The following NLRP4 variants were observed in gnomAD, a reference collection of about 807,000 sequenced individuals.
The protein encoded by NLRP4 is NACHT, LRR and PYD domains-containing protein 4.
A neutral mutation model predicts 84.7 loss-of-function variants in NLRP4; 44 were observed. That is an observed-to-expected ratio of 0.52 (90% confidence interval 0.41 to 0.67). The LOEUF (loss-of-function observed/expected upper bound fraction) is 0.67, where lower values mean the gene tolerates loss of function less well. Among genes scored for constraint, NLRP4 ranks in the 30% least tolerant of loss-of-function variants. The pLI is 0.00. For missense variants in NLRP4, 1,260 were observed against 1,219.4 expected (o/e 1.03, Z -0.50); for synonymous variants, 544 against 476.4 (o/e 1.14, Z -1.85).
At chr19:55,866,731 C>T (rs1035207171) in intron 5 of NLRP4, among the ~76,000 whole-genome samples, 3 of 152,114 alleles carry the variant, frequency 2.0e-5, no homozygotes, top group Non-Finnish European at 4.4e-5. Context: ...TTCCACTTGG[C>T]GGGCACACAT....
At chr19:55,875,244 A>G (rs1985325561) in intron 7 of NLRP4, among the ~76,000 whole-genome samples, 1 of 152,226 alleles carries the variant, frequency 6.6e-6, no homozygotes, top group East Asian at 1.9e-4. Flanking sequence ...AAATGCTTCA[A>G]GGTAAGAAAA....
At position 55,858,073 on chromosome 19, in the gene NLRP4, T is replaced by C; in HGVS notation, c.680T>C (p.Leu227Ser). The C allele has an allele frequency of 1.2e-6, 2 of 1,614,196 alleles. No individual in the cohort carries two copies. Among genetic ancestry groups the C allele is most frequent in the Non-Finnish European group, 1.7e-6 (2 of 1,180,022 alleles). Residue 227 changes from leucine (L) to serine (S), a missense_variant, in exon 3 of 10, where the codon TTG becomes TCG. Physicochemically the swap from Leu to Ser is moderately radical, Grantham distance 145 (BLOSUM62 -2). Coordinates refer to ENST00000301295, the MANE Select transcript of NLRP4 (RefSeq NM_134444.5). The surrounding 1 kb of genome is among the most constrained non-coding windows in gnomAD (Gnocchi z 4.2). ...ATCGTGTCTCAACCGGAGAGACTCT[T>C]GTTCGTCATCGACAGCTTCGAAGAG... is the stretch of plus-strand genomic sequence containing the variant. ...TEIVSQPERL[L>S]FVIDSFEELQ...
Position 55,862,017 on chromosome 19 carries a change from CAG to C in NLRP4, c.2047_2048del (p.Ser683CysfsTer5). On this transcript the variant is annotated frameshift_variant, in exon 5 of 10. Coordinates refer to ENST00000301295, the MANE Select transcript of NLRP4 (RefSeq NM_134444.5). LOFTEE classifies it high-confidence loss of function. ...LGINNVSFSGQSVLLFEVLFY... is the reference protein window; with the variant it reads ...LGINNVSFSGXSVLLFEVLFY... ...AATAAATAACGTTTCCTTTTCTGGC[CAG>C]AGTGTTCTGCTCTTTGAGGTGCTCT... The C allele has an allele frequency of 6.2e-7, 1 of 1,613,800 alleles. No homozygotes were observed. Among genetic ancestry groups the C allele is most frequent in the East Asian group, 2.2e-5 (1 of 44,878 alleles).
chr19:55,870,686 G>A, intron 6 of NLRP4, 141 bp from the exon 7 acceptor site: 1 of 618,804 alleles, frequency 1.6e-6, no homozygotes, highest in Non-Finnish European at 2.8e-6. Flanking sequence ...GAGAGGAGGT[G>A]TTTTCAGATA....
chr19:55,863,062 C>G (rs1343267319), intron 5 of NLRP4, among the ~76,000 whole-genome samples: 1 of 152,168 alleles, frequency 6.6e-6, no homozygotes, highest in Non-Finnish European at 1.5e-5. Context: ...TGTTCATAAT[C>G]TCTGAGAAGT....
At position 55,861,485 on chromosome 19, in the gene NLRP4, G is replaced by A; in HGVS notation, c.1956G>A (p.Glu652=). 1 of 1,614,176 alleles carries A rather than the reference G, an allele frequency of 6.2e-7. No homozygotes were observed. Among genetic ancestry groups the A allele is most frequent in the Non-Finnish European group, 8.5e-7 (1 of 1,180,026 alleles). ...AGGTGCAGGACAGCACCCTCAGCGA[G>A]TCGACCTTTGTGACCTGGTGTAACC... is the stretch of plus-strand genomic sequence containing the variant. ...ELQVQDSTLS[E]STFVTWCNQL... is the part of the protein sequence containing the mutation. The change falls in exon 4 of 10, where the codon GAG becomes GAA. Residue 652 remains glutamate, a synonymous_variant. Transcript: ENST00000301295.
In NLRP4 at chr19:55,871,259, G is replaced by A. The variant is rs961396792; in HGVS notation, c.2525+262G>A. On this transcript the variant is annotated intron_variant, in intron 7 of 9. Coordinates refer to ENST00000301295, the MANE Select transcript of NLRP4 (RefSeq NM_134444.5). ...GGACTGAGAGAGCCGGAATTAGGTC[G>A]GGACCTGAGGGGCAATTTCATGGCG... Among the ~76,000 whole-genome samples the A allele has an allele frequency of 5.9e-5, 9 of 152,154 alleles. No individual in the cohort carries two copies. In the South Asian group the frequency reaches 8.3e-4, roughly 14 times the overall value.
intron 1 of NLRP4, among the ~76,000 whole-genome samples, chr19:55,850,781 TGTAATTC>T (rs1314181967): frequency 3.5e-4 from 46 of 131,980 alleles, no homozygotes; most frequent in Non-Finnish European, 6.2e-4. Flanking sequence ...GAGGCTGCGG[TGTAATTC>T]CCGAGGCTGC....
chr19:55,861,249 G>T, intron 3 of NLRP4, 137 bp from the exon 4 acceptor site: 2 of 682,990 alleles, frequency 2.9e-6, no homozygotes, highest in Non-Finnish European at 4.9e-6. Flanking sequence ...TTACCTGAAG[G>T]GTCCCGTTCC....
chr19:55,857,779 A>G lies in NLRP4; in HGVS notation c.386A>G (p.Gln129Arg). 2 of 1,614,134 alleles carry G rather than the reference A, an allele frequency of 1.2e-6. No homozygotes were observed. Among genetic ancestry groups the G allele is most frequent in the Middle Eastern group, 1.6e-4 (1 of 6,062 alleles). Reference protein sequence around the residue: ...IHLYFEEEVKQEECDHLDRLF... With the variant: ...IHLYFEEEVKREECDHLDRLF... ...CTATACTTTGAGGAGGAAGTCAAGC[A>G]AGAAGAATGTGACCATTTGGACCGC... Residue 129 changes from glutamine (Q) to arginine (R), a missense_variant, in exon 3 of 10, where the codon CAA (glutamine) becomes CGA (arginine). Physicochemically the swap from Gln to Arg is conservative, Grantham distance 43 (BLOSUM62 1). Coordinates refer to ENST00000301295, the MANE Select transcript of NLRP4 (RefSeq NM_134444.5).
At chr19:55,869,179 C>T (rs1442524129) in intron 6 of NLRP4, among the ~76,000 whole-genome samples, 1 of 151,806 alleles carries the variant, frequency 6.6e-6, no homozygotes, top group East Asian at 1.9e-4. Flanking sequence ...TTGGTGAAAC[C>T]CCGTCTCTAC....
chr19:55,853,721 TTCTTTC>T (rs372182478), intron 2 of NLRP4, among the ~76,000 whole-genome samples: 2,468 of 147,676 alleles, frequency 0.017, 75 homozygotes, highest in African/African-American at 0.061. Context: ...GACTCACTCT[TTCTTTC>T]TCTTTCTCTT....
intron 7 of NLRP4, among the ~76,000 whole-genome samples, chr19:55,876,643 A>C (rs1985382869): frequency 6.6e-6 from 1 of 152,130 alleles, no homozygotes; most frequent in African/African-American, 2.4e-5. Context: ...GATTACACGC[A>C]TGAGCCACCG....
rs367654820 is a variant in NLRP4 at position 55,862,099 on chromosome 19, A to G, written c.2126A>G (p.Asp709Gly). 25 of 1,613,656 alleles carry G rather than the reference A, an allele frequency of 1.5e-5. No individual in the cohort carries two copies. The African/African-American group carries it at 2.9e-4, about 19-fold the overall frequency. Residue 709 changes from aspartate (D) to glycine (G), a missense_variant, in exon 5 of 10, where the codon GAT becomes GGT. By Grantham distance (94) the Asp-to-Gly change is moderately conservative. This residue lies in a region of NLRP4 where 544 missense variants were observed against 531.7 expected (regional missense o/e 1.02). Coordinates refer to ENST00000301295, the MANE Select transcript of NLRP4 (RefSeq NM_134444.5). ...TTCACCCTCACGAAACTCTCTCGTG[A>G]TGACATCAGGTCCCTCTGTGATGCC... ...LSFTLTKLSR[D>G]DIRSLCDALN...
In NLRP4 at chr19:55,836,648, T is replaced by G. The variant is rs1297745826; in HGVS notation, c.-352T>G. 2 of 152,540 alleles carry G rather than the reference T, an allele frequency of 1.3e-5. No individual in the cohort carries two copies. The highest frequency in any genetic ancestry group is 2.9e-5 in the Non-Finnish European group (2 of 68,304). 9.4% of individuals were successfully genotyped at this position (152,540 alleles called of 1,614,324 possible). On this transcript the variant is annotated 5_prime_UTR_variant, in exon 1 of 10. Transcript: ENST00000301295. Reference sequence around the variant, plus strand: ...TTTGGGTCTTCCTTTTCTTTCTCCCTTTTACCCTGTCTCCTTTCTTGAGGC... The same window carrying G: ...TTTGGGTCTTCCTTTTCTTTCTCCCGTTTACCCTGTCTCCTTTCTTGAGGC...
In NLRP4 at chr19:55,862,136, A is replaced by T. The variant is rs761954054; in HGVS notation, c.2163A>T (p.Pro721=). 1.8e-4 allele frequency: 292 copies of T among 1,613,632 alleles called. 1 individual carries two copies. In the South Asian group the frequency reaches 2.9e-3, roughly 16 times the overall value. Residue 721 remains proline (P), a synonymous_variant, in exon 5 of 10, where the codon CCA becomes CCT. Transcript: ENST00000301295. ...IRSLCDALNY[P]AGNVKELALV... is the part of the protein sequence containing the mutation. ...CCCTCTGTGATGCCTTGAACTACCC[A>T]GCAGGCAACGTCAAAGAGCTAGCGT...
intron 1 of NLRP4, 37 bp downstream of exon 1, chr19:55,836,971 A>C (rs2050568508): frequency 6.6e-6 from 1 of 152,360 alleles, no homozygotes; most frequent in Non-Finnish European, 1.5e-5. Context: ...GTGGGACCCA[A>C]GCCCTCTCTG....
At chr19:55,873,320 A>G (rs1021901243) in intron 7 of NLRP4, among the ~76,000 whole-genome samples, 1 of 152,196 alleles carries the variant, frequency 6.6e-6, no homozygotes, top group African/African-American at 2.4e-5. Context: ...AAAGGGGTAA[A>G]TTAAGGTGAA....
At chr19:55,873,375 C>A (rs1985260423) in intron 7 of NLRP4, among the ~76,000 whole-genome samples, 1 of 151,858 alleles carries the variant, frequency 6.6e-6, no homozygotes, top group African/African-American at 2.4e-5. Context: ...TTAAAAAATT[C>A]CCGATCCAAA....
Sources: gnomAD v4.1 joint callset for allele counts (sites outside exome capture counted in the v4.1 genomes callset) on GRCh38, gnomAD v4.1.1 for gene constraint, gnomAD v4.1.1 regional missense constraint, Gnocchi (gnomAD v3.1) non-coding constraint, MANE v1.5 for transcripts, NCBI Gene and HGNC (gene_info 2026-07-23, HGNC 2026-07-21) for gene names.